ZFYVE9: variants seen among roughly 807,000 people sequenced by gnomAD.
The protein encoded by ZFYVE9 is zinc finger FYVE domain-containing protein 9.
A neutral mutation model predicts 126.7 loss-of-function variants in ZFYVE9; 43 were observed. That is an observed-to-expected ratio of 0.34 (90% CI 0.27 to 0.44). The LOEUF is 0.44. ZFYVE9 is among the 20% of genes least tolerant of loss of function. The pLI, the probability that ZFYVE9 is intolerant of heterozygous loss-of-function variation, is 1.00. For synonymous variants in ZFYVE9, 521 were observed against 597.4 expected (o/e 0.87, Z 1.87); for missense variants, 1,476 against 1,697.0 (o/e 0.87, Z 2.29).
intron 12 of ZFYVE9, among the ~76,000 whole-genome samples, chr1:52,300,985 G>A (rs1312580450): frequency 2.0e-5 from 3 of 150,218 alleles, no homozygotes; most frequent in Admixed American, 6.6e-5. Context: ...TCAGCCTCCC[G>A]AGTAGCTGGG....
intron 2 of ZFYVE9, among the ~76,000 whole-genome samples, chr1:52,223,792 C>T (rs1479814321): frequency 6.6e-6 from 1 of 152,072 alleles, no homozygotes; most frequent in Non-Finnish European, 1.5e-5. Context: ...TATTGTTATC[C>T]CACTGAGGGT....
intron 3 of ZFYVE9, among the ~76,000 whole-genome samples, chr1:52,233,929 C>T (rs1339818082): frequency 4.6e-5 from 7 of 152,056 alleles, no homozygotes; most frequent in South Asian, 2.1e-4. Context: ...TCCATACACC[C>T]GCCACCATGC....
chr1:52,238,252 C>T lies in ZFYVE9; in HGVS notation c.835C>T (p.Pro279Ser), dbSNP rs766452753. 5.0e-6 allele frequency: 8 copies of T among 1,613,928 alleles called. 1 individual carries two copies. The South Asian group carries it at 6.6e-5, about 13-fold the overall frequency. Residue 279 changes from proline (P) to serine (S), a missense_variant, in exon 4 of 19, where the codon CCT becomes TCT. Pro to Ser is a moderately conservative substitution (Grantham distance 74, BLOSUM62 -1). Transcript: ENST00000287727. ...CTCATCCCAGGGAACAGATGGATGT[C>T]CTGCTGTTAAAAAGCAAGAGAACTA... Reference protein sequence around the residue: ...VISSQGTDGCPAVKKQENYIP... With the variant: ...VISSQGTDGCSAVKKQENYIP...
At chr1:52,283,075 C>T (rs1645820398) in intron 10 of ZFYVE9, among the ~76,000 whole-genome samples, 1 of 152,136 alleles carries the variant, frequency 6.6e-6, no homozygotes, top group Non-Finnish European at 1.5e-5. Flanking sequence ...AATGTTTACC[C>T]TGTCTGTTCC....
At chr1:52,260,528 A>G (rs1645568101) in intron 4 of ZFYVE9, among the ~76,000 whole-genome samples, 1 of 151,982 alleles carries the variant, frequency 6.6e-6, no homozygotes, top group Admixed American at 6.6e-5. Flanking sequence ...TAAAATGCTT[A>G]AGTGGGGGCT....
intron 10 of ZFYVE9, among the ~76,000 whole-genome samples, chr1:52,286,447 A>T (rs966041989): frequency 5.3e-5 from 8 of 152,236 alleles, no homozygotes; most frequent in African/African-American, 1.9e-4. Context: ...ATATATACAC[A>T]CACACTTTTT....
chr1:52,188,743 G>A (rs35817878), intron 1 of ZFYVE9, among the ~76,000 whole-genome samples: 18,326 of 151,756 alleles, frequency 0.12, 1,482 homozygotes, highest in Non-Finnish European at 0.17. Flanking sequence ...AAGGTCAGGC[G>A]GATCAGAATT....
intron 1 of ZFYVE9, chr1:52,162,290 T>C (rs1191796168): frequency 2.6e-6 from 1 of 385,588 alleles, no homozygotes; most frequent in Non-Finnish European, 5.2e-6. Context: ...TTCATATCTG[T>C]CATATCCACG....
At chr1:52,339,778 A>G (rs1646418556) in intron 16 of ZFYVE9, among the ~76,000 whole-genome samples, 1 of 152,202 alleles carries the variant, frequency 6.6e-6, no homozygotes, top group Admixed American at 6.5e-5. Flanking sequence ...CAGAGTGAAA[A>G]CAAGATTGAG....
intron 1 of ZFYVE9, among the ~76,000 whole-genome samples, chr1:52,147,730 G>A (rs1473050669): frequency 6.6e-5 from 10 of 152,156 alleles, no homozygotes; most frequent in Admixed American, 6.5e-4. Flanking sequence ...GTATTTATAG[G>A]GATGGAATTG....
At chr1:52,184,222 G>GATATAT (rs375204928) in intron 1 of ZFYVE9, among the ~76,000 whole-genome samples, 13 of 139,250 alleles carry the variant, frequency 9.3e-5, no homozygotes, top group African/African-American at 3.4e-4. Flanking sequence ...TATATATATA[G>GATATAT]ATATATATAT....
intron 1 of ZFYVE9, among the ~76,000 whole-genome samples, chr1:52,145,239 C>T (rs1342411498): frequency 2.0e-5 from 3 of 152,106 alleles, no homozygotes; most frequent in African/African-American, 7.2e-5. Context: ...TGATAGTTTC[C>T]TATTAACTCT....
intron 13 of ZFYVE9, among the ~76,000 whole-genome samples, chr1:52,304,969 C>G (rs552027536): frequency 5.9e-5 from 9 of 152,170 alleles, no homozygotes; most frequent in African/African-American, 2.2e-4. Context: ...GTTCACAGAT[C>G]TTGCTCTGTT....
At chr1:52,146,135 A>G (rs1644305088) in intron 1 of ZFYVE9, among the ~76,000 whole-genome samples, 1 of 152,102 alleles carries the variant, frequency 6.6e-6, no homozygotes, top group Non-Finnish European at 1.5e-5. Flanking sequence ...TAGCACTTAC[A>G]ATTGTATTTG....
intron 13 of ZFYVE9, among the ~76,000 whole-genome samples, chr1:52,304,373 C>T (rs1001586064): frequency 6.6e-6 from 1 of 152,086 alleles, no homozygotes; most frequent in African/African-American, 2.4e-5. Flanking sequence ...AGTGATTCTT[C>T]TGCCTCAGCC....
chr1:52,291,552 A>G (rs1185100054), intron 10 of ZFYVE9, among the ~76,000 whole-genome samples: 2 of 152,216 alleles, frequency 1.3e-5, no homozygotes, highest in Non-Finnish European at 2.9e-5. Flanking sequence ...TGTTTCATTC[A>G]CAAAAGTATT....
At chr1:52,329,675 G>A (rs757395476) in intron 13 of ZFYVE9, among the ~76,000 whole-genome samples, 2 of 151,574 alleles carry the variant, frequency 1.3e-5, no homozygotes, top group Admixed American at 6.6e-5. Context: ...GGAGGCCAAG[G>A]CTGGCGGATC....
Position 52,263,764 on chromosome 1 carries a change from C to CCT in ZFYVE9, c.2179-8_2179-7insTC. 2 of 1,078,514 alleles carry CCT rather than the reference C, an allele frequency of 1.9e-6. No individual in the cohort carries two copies. The highest frequency in any genetic ancestry group is 1.3e-6 in the Non-Finnish European group (1 of 767,646). The allele number at this position is 1,078,514 out of a possible 1,614,324, so 66.8% of individuals were successfully genotyped here. A position where few individuals can be genotyped will look rare whatever the true frequency, so the allele number is the denominator to read the frequency against. ...ATTTTGTGTGTTCTTCCCCCCCCCC[C>CCT]CCCCACAGGTTTTCTGTGCTTCCTG... On this transcript the variant is annotated splice_polypyrimidine_tract_variant and intron_variant, in intron 4 of 18. Coordinates refer to ENST00000287727, the MANE Select transcript of ZFYVE9 (RefSeq NM_004799.4).
intron 4 of ZFYVE9, chr1:52,253,867 T>A: frequency 8.0e-7 from 1 of 1,246,722 alleles, no homozygotes; most frequent in Non-Finnish European, 1.2e-6. Context: ...TTATGCAGAC[T>A]ACAAATCTGA....
Sources: allele counts gnomAD v4.1 joint callset (sites outside exome capture counted in the v4.1 genomes callset), GRCh38; gene constraint gnomAD v4.1.1; transcripts MANE v1.5; gene names NCBI Gene and HGNC (gene_info 2026-07-23, HGNC 2026-07-21).